The following SMTNL2 variants were observed in gnomAD, a reference collection of about 807,000 sequenced individuals.
SMTNL2 encodes smoothelin-like protein 2.
A neutral mutation model predicts 44.1 loss-of-function variants in SMTNL2; 43 were observed. The ratio of observed to expected loss-of-function variants is 0.98; its 90% CI spans 0.76 to 1.26. The LOEUF (loss-of-function observed/expected upper bound fraction) is 1.26. SMTNL2 is among the 50% of genes most tolerant of loss of function. The probability of loss-of-function intolerance (pLI) is 0.00; values close to 1 mark genes in which losing one functional copy is unlikely to be tolerated. For synonymous variants in SMTNL2, 317 were observed against 287.6 expected (o/e 1.10, Z -1.03); for missense variants, 646 against 670.2 (o/e 0.96, Z 0.40).
chr17:4,593,681 G>A, intron 3 of SMTNL2, 141 bp from the exon 4 acceptor site: 1 of 758,192 alleles, frequency 1.3e-6, no homozygotes, highest in Non-Finnish European at 2.1e-6. Flanking sequence ...TGCTGAGGCA[G>A]GGCCAGCTTA....
intron 4 of SMTNL2, among the ~76,000 whole-genome samples, chr17:4,594,784 G>A (rs1417924676): frequency 6.6e-6 from 1 of 152,008 alleles, no homozygotes; most frequent in East Asian, 1.9e-4. Flanking sequence ...AACAAAGGGG[G>A]TCTTATCGCA....
Position 4,607,608 on chromosome 17 carries a change from T to G in SMTNL2, c.*121T>G, listed in dbSNP as rs1386072121. 6.8e-7 allele frequency: 1 copy of G among 1,469,758 alleles called. No individual in the cohort carries two copies. Among genetic ancestry groups the G allele is most frequent in the African/African-American group, 1.4e-5 (1 of 71,318 alleles). 91.0% of individuals were successfully genotyped at this position (1,469,758 alleles called of 1,614,324 possible). A position where few individuals can be genotyped will look rare whatever the true frequency, so the allele number is the denominator to read the frequency against. On this transcript the variant is annotated 3_prime_UTR_variant, in exon 8 of 8. Coordinates refer to ENST00000389313, the MANE Select transcript of SMTNL2 (RefSeq NM_001114974.2). This position sits in a 1 kb window ranked among gnomAD's most constrained non-coding sequence, Gnocchi z 4.7. ...TTTGGTGTGAGCGCGCTGTTTGTTC[T>G]GTGGCATGTGACGGCACTCCCCTTC... is the stretch of plus-strand genomic sequence containing the variant.
intron 7 of SMTNL2, among the ~76,000 whole-genome samples, chr17:4,597,989 T>C (rs1225789204): frequency 6.6e-6 from 1 of 152,004 alleles, no homozygotes; most frequent in Admixed American, 6.5e-5. Context: ...GGGGGCACAG[T>C]CAAGAACTGG....
At chr17:4,602,059 C>T (rs925250183) in intron 7 of SMTNL2, among the ~76,000 whole-genome samples, 2 of 152,008 alleles carry the variant, frequency 1.3e-5, no homozygotes, top group Admixed American at 6.6e-5. Flanking sequence ...TGGCCTGGGA[C>T]CAGAAGTGTT....
At chr17:4,588,544 C>T (rs1449657438) in intron 1 of SMTNL2, among the ~76,000 whole-genome samples, 1 of 152,226 alleles carries the variant, frequency 6.6e-6, no homozygotes, top group Non-Finnish European at 1.5e-5. Flanking sequence ...ATGACGGCGA[C>T]AGGCTGCCCC....
chr17:4,597,134 G>T, intron 6 of SMTNL2, 38 bp from the exon 7 acceptor site: 1 of 1,596,778 alleles, frequency 6.3e-7, no homozygotes, highest in Non-Finnish European at 8.5e-7. Flanking sequence ...TGGGTGCCCA[G>T]CTGCCCTCCC....
At chr17:4,597,923 G>T (rs1909882313) in intron 7 of SMTNL2, among the ~76,000 whole-genome samples, 1 of 152,172 alleles carries the variant, frequency 6.6e-6, no homozygotes, top group Non-Finnish European at 1.5e-5. Context: ...TTTTGGCCGA[G>T]GGCCTCAGGA....
intron 1 of SMTNL2, among the ~76,000 whole-genome samples, chr17:4,591,314 G>A (rs1161068201): frequency 2.0e-5 from 3 of 152,206 alleles, no homozygotes; most frequent in African/African-American, 4.8e-5. Flanking sequence ...AGGCACAGCC[G>A]ACCTCTCAAG....
At chr17:4,590,426 C>T (rs549316300) in intron 1 of SMTNL2, among the ~76,000 whole-genome samples, 3 of 152,266 alleles carry the variant, frequency 2.0e-5, no homozygotes, top group Admixed American at 2.0e-4. Flanking sequence ...AGCTGCTCTT[C>T]CTCTGCTGGG....
rs1597420780 is a variant in SMTNL2, at chr17:4,607,830, G to A, written c.*343G>A. ...CTACAATTTTCCCTCTGGTGAATTC[G>A]ATACATCGGCTTTACAGGGTTACAG... On this transcript the variant is annotated 3_prime_UTR_variant, in exon 8 of 8. Transcript: ENST00000389313. The surrounding 1 kb of genome is among the most constrained non-coding windows in gnomAD (Gnocchi z 4.7). 5.0e-6 allele frequency: 1 copy of A among 201,772 alleles called. No individual in the cohort carries two copies. Among genetic ancestry groups the A allele is most frequent in the Non-Finnish European group, 1.0e-5 (1 of 100,110 alleles). 12.5% of individuals were successfully genotyped at this position (201,772 alleles called of 1,614,324 possible). A position where few individuals can be genotyped will look rare whatever the true frequency, so the allele number is the denominator to read the frequency against.
chr17:4,590,155 T>C (rs1268047883), intron 1 of SMTNL2, among the ~76,000 whole-genome samples: 2 of 151,790 alleles, frequency 1.3e-5, no homozygotes, highest in East Asian at 1.9e-4. Flanking sequence ...TTAGTAGAGA[T>C]GGGGTTTCAC....
chr17:4,595,420 T>C lies in SMTNL2; in HGVS notation c.989+93T>C. The C allele has an allele frequency of 1.3e-6, 2 of 1,490,240 alleles. No homozygotes were observed. The highest frequency in any genetic ancestry group is 1.8e-6 in the Non-Finnish European group (2 of 1,108,574). 92.3% of individuals were successfully genotyped at this position (1,490,240 alleles called of 1,614,324 possible). ...GGTGCAGCAGGGCAAGGTTCAGCCC[T>C]GTCCTGTTCCCCAGGGCGCTGTTGC... On this transcript the variant is annotated intron_variant, in intron 5 of 7. Coordinates refer to ENST00000389313, the MANE Select transcript of SMTNL2 (RefSeq NM_001114974.2). This position sits in a 1 kb window ranked among gnomAD's most constrained non-coding sequence, Gnocchi z 5.1.
rs369487981 is a variant in SMTNL2 at position 4,597,157 on chromosome 17, C to A, written c.1108-15C>A. 1 of 1,611,432 alleles carries A rather than the reference C, an allele frequency of 6.2e-7. No homozygotes were observed. Among genetic ancestry groups the A allele is most frequent in the African/African-American group, 1.3e-5 (1 of 74,910 alleles). ...CAGCTGCCCTCCCGCACTGACCCCA[C>A]TCACCCTGTTGCAGCACGTGGACCT... On this transcript the variant is annotated splice_polypyrimidine_tract_variant and intron_variant, in intron 6 of 7. Transcript: ENST00000389313.
At chr17:4,601,302 C>G (rs1369664813) in intron 7 of SMTNL2, among the ~76,000 whole-genome samples, 1 of 152,020 alleles carries the variant, frequency 6.6e-6, no homozygotes, top group Non-Finnish European at 1.5e-5. Flanking sequence ...GTGGTCCCAG[C>G]TACTTGGGAG....
At position 4,603,993 on chromosome 17, in the gene SMTNL2, C is replaced by T. The variant is rs527421095; in HGVS notation, c.1260-3368C>T. 8.5e-5 allele frequency among the ~76,000 whole-genome samples: 13 copies of T among 152,250 alleles called. No individual in the cohort carries two copies. In the South Asian group the frequency reaches 1.7e-3, roughly 19 times the overall value. ...CCGAGTAGCTGGGACTGCAGGCATA[C>T]GCCACCACACCCAGCTAATTTTTGT... On this transcript the variant is annotated intron_variant, in intron 7 of 7. Coordinates refer to ENST00000389313, the MANE Select transcript of SMTNL2 (RefSeq NM_001114974.2).
chr17:4,587,736 G>C (rs993713214), intron 1 of SMTNL2, among the ~76,000 whole-genome samples: 1 of 152,212 alleles, frequency 6.6e-6, no homozygotes, highest in African/African-American at 2.4e-5. Context: ...TTTCAAACTG[G>C]GGACTGAAGG....
chr17:4,593,272 G>A (rs993296322), intron 3 of SMTNL2, 101 bp downstream of exon 3: 36 of 1,453,684 alleles, frequency 2.5e-5, no homozygotes, highest in Non-Finnish European at 3.0e-5. Flanking sequence ...CATGGAAAAC[G>A]AGGGGCTAAG....
intron 1 of SMTNL2, among the ~76,000 whole-genome samples, chr17:4,587,261 G>C (rs1393236859): frequency 6.6e-6 from 1 of 152,200 alleles, no homozygotes; most frequent in African/African-American, 2.4e-5. Context: ...AGTTGGGTTA[G>C]AGGCTCTGCA....
chr17:4,600,043 C>G lies in SMTNL2; in HGVS notation c.1259+2720C>G, dbSNP rs531436622. ...AGGGGCGTCCACCGCAGGCCTGTGC[C>G]GGGGGGTCGGGGGAGTTTGCTCAGA... On this transcript the variant is annotated intron_variant, in intron 7 of 7. Coordinates refer to ENST00000389313, the MANE Select transcript of SMTNL2 (RefSeq NM_001114974.2). This position sits in a 1 kb window ranked among gnomAD's most constrained non-coding sequence, Gnocchi z 4.7. Among the ~76,000 whole-genome samples the G allele has an allele frequency of 3.3e-5, 5 of 152,212 alleles. No individual in the cohort carries two copies. Among genetic ancestry groups the G allele is most frequent in the Middle Eastern group, 6.8e-3 (2 of 294 alleles).
Sources: allele counts gnomAD v4.1 joint callset (sites outside exome capture counted in the v4.1 genomes callset), GRCh38; gene constraint gnomAD v4.1.1; non-coding constraint Gnocchi (gnomAD v3.1); transcripts MANE v1.5; gene names NCBI Gene and HGNC (gene_info 2026-07-23, HGNC 2026-07-21).